Variants in ARHGEF18 observed in about 807,000 individuals in gnomAD.
ARHGEF18 encodes Rho/Rac guanine nucleotide exchange factor 18, also known as rho guanine nucleotide exchange factor 18.
ARHGEF18 carries 93 observed loss-of-function variants against 155.7 expected under a neutral mutation model. The observed-to-expected ratio is 0.60, with a 90% CI of 0.50 to 0.71. ARHGEF18 has a LOEUF of 0.71. Ranked by LOEUF, ARHGEF18 falls within the 30% of genes least tolerant of loss-of-function variation. The pLI, the probability that ARHGEF18 is intolerant of heterozygous loss-of-function variation, is 0.00. For missense variants in ARHGEF18, 1,593 were observed against 1,816.1 expected (o/e 0.88, Z 2.23); for synonymous variants, 742 against 753.1 (o/e 0.99, Z 0.24).
rs1568270390 is a variant in ARHGEF18, at chr19:7,367,885, T to TGTA, written c.16-4927_16-4926insGTA. Among the ~76,000 whole-genome samples, 5 of 16,070 alleles carry TGTA rather than the reference T, an allele frequency of 3.1e-4. 1 individual carries two copies. In the Admixed American group the frequency reaches 6.2e-3, roughly 20 times the overall value. 10.5% of individuals were successfully genotyped at this position (16,070 alleles called of 152,430 possible). On this transcript the variant is annotated intron_variant, in intron 2 of 28. Coordinates refer to ENST00000668164, the MANE Select transcript of ARHGEF18 (RefSeq NM_001367823.1). ...ATATATATTTTTATATATATATATT[T>TGTA]TATATATATTTTTTATATATATATA...
At position 7,380,926 on chromosome 19, in the gene ARHGEF18, G is replaced by A. The variant is rs1045363623; in HGVS notation, c.654G>A (p.Gln218=). The A allele has an allele frequency of 7.3e-6, 9 of 1,232,106 alleles. No individual in the cohort carries two copies. The highest frequency in any genetic ancestry group is 9.1e-6 in the Non-Finnish European group (9 of 988,020). The allele number at this position is 1,232,106 out of a possible 1,614,324, so 76.3% of individuals were successfully genotyped here. ...QELRQYHGAR[Q]RACMSASPGG... ...CCCTCTGATCCTGCAGGGCCCGGCAGAGGGCTTGCATGTCAGCCAGCCCCG... is the reference window on the plus strand; with the variant it reads ...CCCTCTGATCCTGCAGGGCCCGGCAAAGGGCTTGCATGTCAGCCAGCCCCG... Residue 218 remains glutamine, a synonymous_variant, in exon 8 of 29, where the codon CAG becomes CAA. Transcript: ENST00000668164.
intron 10 of ARHGEF18, among the ~76,000 whole-genome samples, chr19:7,404,067 CAA>C (rs879300029): frequency 4.7e-5 from 6 of 126,602 alleles, no homozygotes; most frequent in Admixed American, 1.6e-4. Context: ...GACTCCGTCT[CAA>C]AAAAAAAAAA....
At chr19:7,397,820 C>T (rs535146867) in intron 10 of ARHGEF18, among the ~76,000 whole-genome samples, 3 of 152,184 alleles carry the variant, frequency 2.0e-5, no homozygotes, top group African/African-American at 4.8e-5. Flanking sequence ...CCTCCCACCT[C>T]GGCCTCCCAA....
intron 10 of ARHGEF18, among the ~76,000 whole-genome samples, chr19:7,422,706 T>C (rs565264947): frequency 8.2e-5 from 12 of 146,974 alleles, no homozygotes; most frequent in African/African-American, 2.5e-4. Flanking sequence ...CAAAATGTGT[T>C]CTAACTTTTC....
chr19:7,359,327 G>A (rs991511550), intron 1 of ARHGEF18, among the ~76,000 whole-genome samples: 5 of 152,170 alleles, frequency 3.3e-5, no homozygotes, highest in Non-Finnish European at 5.9e-5. Context: ...ATTGGCAATC[G>A]TTTGGGGCAA....
intron 26 of ARHGEF18, among the ~76,000 whole-genome samples, chr19:7,468,502 G>C (rs952152225): frequency 4.6e-5 from 7 of 152,228 alleles, no homozygotes; most frequent in Non-Finnish European, 7.3e-5. Flanking sequence ...TTGTGCCACT[G>C]CATTCTAGCC....
At chr19:7,466,381 CA>C (rs3030730) in intron 23 of ARHGEF18, among the ~76,000 whole-genome samples, 51,547 of 98,300 alleles carry the variant, frequency 0.52, 11,117 homozygotes, top group East Asian at 0.66. Context: ...AACTCCATCT[CA>C]AAAAAAAAAA....
At chr19:7,357,919 C>T (rs1969378133) in intron 1 of ARHGEF18, among the ~76,000 whole-genome samples, 1 of 152,188 alleles carries the variant, frequency 6.6e-6, no homozygotes, top group Middle Eastern at 3.4e-3. Context: ...GTCTGTGCCT[C>T]GCTCACCTTG....
At chr19:7,421,611 A>T (rs1382894504) in intron 10 of ARHGEF18, among the ~76,000 whole-genome samples, 1 of 151,924 alleles carries the variant, frequency 6.6e-6, no homozygotes. Flanking sequence ...AAAATACAAA[A>T]ATTAGCCAGG....
chr19:7,475,575 TGA>T (rs1349877176), downstream of ARHGEF18, among the ~76,000 whole-genome samples: 1 of 151,816 alleles, frequency 6.6e-6, no homozygotes, highest in African/African-American at 2.4e-5. Context: ...CTGGACCAGC[TGA>T]GAGAGTGGGA....
chr19:7,420,302 G>T (rs1209706425), intron 10 of ARHGEF18, among the ~76,000 whole-genome samples: 1 of 152,170 alleles, frequency 6.6e-6, no homozygotes, highest in South Asian at 2.1e-4. Context: ...TTGCTCTGTT[G>T]CCCTGGCTGG....
At position 7,372,691 on chromosome 19, in the gene ARHGEF18, A is replaced by T. The variant is rs957447884; in HGVS notation, c.16-121A>T. The T allele has an allele frequency of 9.6e-6, 10 of 1,037,148 alleles. 1 individual carries two copies. In the South Asian group the frequency reaches 4.1e-4, roughly 42 times the overall value. The allele number at this position is 1,037,148 out of a possible 1,614,324, so 64.2% of individuals were successfully genotyped here. ...GAGGAGGGCGCTGAGCCCAGGAGGG[A>T]CAGGTAGGGGACAGGCAGGGTCTGG... is the stretch of plus-strand genomic sequence containing the variant. On this transcript the variant is annotated intron_variant, in intron 2 of 28. Transcript: ENST00000668164.
At chr19:7,456,049 G>T (rs1288615478) in intron 17 of ARHGEF18, among the ~76,000 whole-genome samples, 1 of 152,254 alleles carries the variant, frequency 6.6e-6, no homozygotes, top group Non-Finnish European at 1.5e-5. Flanking sequence ...ACAGCAAAGA[G>T]AATTGCCGGG....
rs776839774 is a variant in ARHGEF18, at chr19:7,367,746, C to CAA, written c.15+4853_15+4854dup. Among the ~76,000 whole-genome samples the CAA allele has an allele frequency of 4.1e-3, 150 of 36,346 alleles. 26 individuals are homozygous for CAA. Among genetic ancestry groups the CAA allele is most frequent in the African/African-American group, 0.017 (103 of 6,214 alleles). The allele number at this position is 36,346 out of a possible 152,430, so 23.8% of individuals were successfully genotyped here. On this transcript the variant is annotated intron_variant, in intron 2 of 28. Coordinates refer to ENST00000668164, the MANE Select transcript of ARHGEF18 (RefSeq NM_001367823.1). ...AGGCAACAAGAGTGAAACTCCATCT[C>CAA]AAAAAAAAAAAAATATATATATATA...
Position 7,364,554 on chromosome 19 carries a change from T to G in ARHGEF18, c.15+1649T>G, listed in dbSNP as rs371108318. On this transcript the variant is annotated intron_variant, in intron 2 of 28. Transcript: ENST00000668164. ...ATCACACTTTCTCTAAGCGCTTATGTCAGGGGCCTGTGGGGTAGGCCAGCC... is the reference window on the plus strand; with the variant it reads ...ATCACACTTTCTCTAAGCGCTTATGGCAGGGGCCTGTGGGGTAGGCCAGCC... Among the ~76,000 whole-genome samples, 8 of 152,206 alleles carry G rather than the reference T, an allele frequency of 5.3e-5. No homozygotes were observed. In the East Asian group the frequency reaches 1.4e-3, roughly 26 times the overall value.
chr19:7,464,514 C>G (rs780521416), intron 22 of ARHGEF18, 46 bp from the exon 23 acceptor site: 1 of 1,570,180 alleles, frequency 6.4e-7, no homozygotes, highest in Non-Finnish European at 8.7e-7. Context: ...CTTCCCCCTC[C>G]CCACGGGATG....
At chr19:7,388,699 G>C (rs1041240453) in intron 10 of ARHGEF18, among the ~76,000 whole-genome samples, 2 of 151,782 alleles carry the variant, frequency 1.3e-5, no homozygotes, top group Non-Finnish European at 2.9e-5. Context: ...TCCTGCCTCA[G>C]CCTCCTGAGT....
In ARHGEF18 at chr19:7,439,676, C is replaced by A. The variant is rs1053134133; in HGVS notation, c.968-668C>A. The A allele has an allele frequency of 3.5e-5, 42 of 1,202,858 alleles. No individual in the cohort carries two copies. The Admixed American group carries it at 9.0e-4, about 26-fold the overall frequency. 74.5% of individuals were successfully genotyped at this position (1,202,858 alleles called of 1,614,324 possible). A position where few individuals can be genotyped will look rare whatever the true frequency, so the allele number is the denominator to read the frequency against. ...TAGAATTCTGTTCGAGTGCTGATGA[C>A]CAGGGGCGGCTAAACACCATGCCCT... On this transcript the variant is annotated intron_variant, in intron 10 of 28. Transcript: ENST00000668164.
Position 7,361,559 on chromosome 19 carries a change from G to A in ARHGEF18, c.-110-1222G>A, listed in dbSNP as rs114882867. On this transcript the variant is annotated intron_variant, in intron 1 of 28. Transcript: ENST00000668164. ...GGAAAACACACATCCGTGCAATTGC[G>A]TACATCTGTATGCAATTGTTCATGG... is the stretch of plus-strand genomic sequence containing the variant. Among the ~76,000 whole-genome samples, 762 of 152,238 alleles carry A rather than the reference G, an allele frequency of 5.0e-3. 5 individuals are homozygous for A. The highest frequency in any genetic ancestry group is 0.017 in the African/African-American group (723 of 41,514).
Sources: gnomAD v4.1 joint callset for allele counts (sites outside exome capture counted in the v4.1 genomes callset) on GRCh38, gnomAD v4.1.1 for gene constraint, MANE v1.5 for transcripts, NCBI Gene and HGNC (gene_info 2026-07-23, HGNC 2026-07-21) for gene names.